RPL7: variants seen among roughly 807,000 people sequenced by gnomAD.
The protein encoded by RPL7 is ribosomal protein L7, also known as large ribosomal subunit protein uL30.
For synonymous variants in RPL7, 100 were observed against 102.2 expected (o/e 0.98, Z 0.13); for missense variants, 205 against 301.9 (o/e 0.68, Z 2.38).
In RPL7 at chr8:73,291,588, C is replaced by A; in HGVS notation, c.502G>T (p.Ala168Ser). The A allele has an allele frequency of 6.3e-7, 1 of 1,597,056 alleles. No homozygotes were observed. Among genetic ancestry groups the A allele is most frequent in the East Asian group, 2.3e-5 (1 of 44,354 alleles). The change falls in exon 5 of 7, where the codon GCT (alanine) becomes TCT (serine). Residue 168 changes from alanine to serine, a missense_variant. Physicochemically the swap from Ala to Ser is moderately conservative, Grantham distance 99. Transcript: ENST00000352983. Reference protein sequence around the residue: ...GYGKINKKRIALTDNALIARS... With the variant: ...GYGKINKKRISLTDNALIARS... ...GCAATCAAAGCGTTATCTGTCAAAG[C>A]AATTCGCTTCTTATTGATTTTGCCA... is the stretch of plus-strand genomic sequence containing the variant.
intron 1 of RPL7, chr8:73,293,359 G>T (rs1586182940): frequency 5.9e-6 from 3 of 510,102 alleles, no homozygotes; most frequent in African/African-American, 3.9e-5. Flanking sequence ...TCAGCCAACC[G>T]ACGGGTTCCA....
chr8:73,291,331 G>C (rs910146126), intron 5 of RPL7, 79 bp from the exon 6 acceptor site: 2 of 1,174,284 alleles, frequency 1.7e-6, no homozygotes, highest in African/African-American at 1.6e-5. Context: ...TTTTGAATAG[G>C]CTGTGAGATG....
upstream of RPL7, chr8:73,293,757 C>T (rs927206530): frequency 1.8e-5 from 17 of 935,766 alleles, no homozygotes; most frequent in Middle Eastern, 4.7e-4. Context: ...ACGCAAAGAA[C>T]TCCCTGATTT....
Position 73,292,323 on chromosome 8 carries a change from A to G in RPL7, c.206T>C (p.Ile69Thr). ...TTTTCTTGCCATCCTCGCCATTCGAATTTCAGTTCTGTACATCTGCCTATA... is the reference window on the plus strand; with the variant it reads ...TTTTCTTGCCATCCTCGCCATTCGAGTTTCAGTTCTGTACATCTGCCTATA... Reference protein sequence around the residue: ...KEYRQMYRTEIRMARMARKAG... With the variant: ...KEYRQMYRTETRMARMARKAG... The change falls in exon 3 of 7, where the codon ATT becomes ACT. Residue 69 changes from isoleucine (I) to threonine (T), a missense_variant. Coordinates refer to ENST00000352983, the MANE Select transcript of RPL7 (RefSeq NM_000971.4). 1 of 1,609,114 alleles carries G rather than the reference A, an allele frequency of 6.2e-7. No homozygotes were observed.
At position 73,291,035 on chromosome 8, in the gene RPL7, T is replaced by A; in HGVS notation, c.*1+8A>T. The A allele has an allele frequency of 6.2e-7, 1 of 1,602,688 alleles. No individual in the cohort carries two copies. Among genetic ancestry groups the A allele is most frequent in the Non-Finnish European group, 8.5e-7 (1 of 1,171,338 alleles). ...TAACTCAACCTTTCTCAGGATGAGG[T>A]CTCTCACCTTAGTTCATTCTTCTAA... is the stretch of plus-strand genomic sequence containing the variant. On this transcript the variant is annotated splice_region_variant and intron_variant, in intron 6 of 6. Coordinates refer to ENST00000352983, the MANE Select transcript of RPL7 (RefSeq NM_000971.4).
Position 73,290,618 on chromosome 8 carries a change from C to A in RPL7, c.*89G>T, listed in dbSNP as rs114052709. 2.4e-3 allele frequency: 376 copies of A among 158,166 alleles called. No homozygotes were observed. The highest frequency in any genetic ancestry group is 7.6e-3 in the African/African-American group (318 of 41,578). The allele number at this position is 158,166 out of a possible 1,614,324, so 9.8% of individuals were successfully genotyped here. A position where few individuals can be genotyped will look rare whatever the true frequency, so the allele number is the denominator to read the frequency against. ...AGAGGCAGGCTAACAACAACAACAA[C>A]AAATCACAAATACAACAATATATTT... On this transcript the variant is annotated 3_prime_UTR_variant, in exon 7 of 7. Coordinates refer to ENST00000352983, the MANE Select transcript of RPL7 (RefSeq NM_000971.4).
rs1192483037 is a variant in RPL7, at chr8:73,291,913, G to A, written c.291-3C>T. On this transcript the variant is annotated splice_region_variant and splice_polypyrimidine_tract_variant and intron_variant, in intron 3 of 6. Coordinates refer to ENST00000352983, the MANE Select transcript of RPL7 (RefSeq NM_000971.4). ...CCTTTGGGCTCACTCCATTGATACT[G>A]TGGTGAAAACGGACCAGAAATGCAT... is the stretch of plus-strand genomic sequence containing the variant. 6.2e-7 allele frequency: 1 copy of A among 1,610,624 alleles called. No homozygotes were observed. Among genetic ancestry groups the A allele is most frequent in the Non-Finnish European group, 8.5e-7 (1 of 1,177,100 alleles).
chr8:73,293,511 G>C (rs1022808779), intron 1 of RPL7, 88 bp downstream of exon 1: 1 of 1,525,154 alleles, frequency 6.6e-7, no homozygotes. Context: ...AAAGGTGCAA[G>C]CTACGGCCAG....
chr8:73,291,965 T>A, intron 3 of RPL7, 55 bp from the exon 4 acceptor site: 1 of 1,591,804 alleles, frequency 6.3e-7, no homozygotes, highest in South Asian at 1.1e-5. Flanking sequence ...TTTTTATTAA[T>A]ACTAACCATT....
Position 73,293,604 on chromosome 8 carries a change from A to T in RPL7, c.9T>A (p.Gly3=). The change falls in exon 1 of 7, where the codon GGT becomes GGA. Residue 3 remains glycine, a synonymous_variant. Coordinates refer to ENST00000352983, the MANE Select transcript of RPL7 (RefSeq NM_000971.4). ME[G]VEEKKKEVPA... ...GAGGACCAGAAGCAACTCACTCTAC[A>T]CCCTCCATGGTTCCAGCCGGAAAAA... The T allele has an allele frequency of 6.2e-7, 1 of 1,613,578 alleles. No individual in the cohort carries two copies. Among genetic ancestry groups the T allele is most frequent in the Non-Finnish European group, 8.5e-7 (1 of 1,179,854 alleles).
At chr8:73,291,941 G>A (rs1456009314) in intron 3 of RPL7, 31 bp from the exon 4 acceptor site, 4 of 1,600,732 alleles carry the variant, frequency 2.5e-6, no homozygotes, top group Non-Finnish European at 3.4e-6. Context: ...AAATGCATTT[G>A]CCTTTCATCG....
At chr8:73,293,674 G>C, upstream of RPL7, 2 of 1,603,136 alleles carry the variant, frequency 1.2e-6, no homozygotes, top group Non-Finnish European at 1.7e-6. Flanking sequence ...GACTTCGCGA[G>C]AGAAGCCCCA....
At chr8:73,293,064 C>T in intron 1 of RPL7, 1 of 343,604 alleles carries the variant, frequency 2.9e-6, no homozygotes, top group Admixed American at 4.6e-5. Context: ...CGGCCTCCGA[C>T]GACTAATTAA....
At chr8:73,292,475 G>A in intron 2 of RPL7, 70 bp from the exon 3 acceptor site, 2 of 1,390,468 alleles carry the variant, frequency 1.4e-6, no homozygotes, top group Non-Finnish European at 2.0e-6. Context: ...TCATTAAAAA[G>A]AAAACTACAA....
intron 1 of RPL7, chr8:73,293,319 C>G (rs948897470): frequency 4.3e-6 from 2 of 466,452 alleles, no homozygotes; most frequent in Non-Finnish European, 7.8e-6. Context: ...TGCGCCTCCC[C>G]CGAAAGACCC....
intron 1 of RPL7, 69 bp from the exon 2 acceptor site, chr8:73,292,866 G>A: frequency 4.4e-6 from 5 of 1,130,606 alleles, no homozygotes; most frequent in Non-Finnish European, 6.4e-6. Flanking sequence ...CTCCCGTACT[G>A]AGCAGTGTTG....
Position 73,290,713 on chromosome 8 carries a change from G to GA in RPL7, c.*2-9dup, listed in dbSNP as rs1397270732. The stretch of plus-strand genomic sequence containing the variant: ...AATAATCATGGTAGACACCTGAAAG[G>GA]AAAAAAGAAAACCATTAGAAAACAC... On this transcript the variant is annotated splice_polypyrimidine_tract_variant and intron_variant, in intron 6 of 6. Transcript: ENST00000352983. 9 of 221,800 alleles carry GA rather than the reference G, an allele frequency of 4.1e-5. No homozygotes were observed. Among genetic ancestry groups the GA allele is most frequent in the Non-Finnish European group, 7.1e-5 (8 of 112,358 alleles). The allele number at this position is 221,800 out of a possible 1,614,324, so 13.7% of individuals were successfully genotyped here. A position where few individuals can be genotyped will look rare whatever the true frequency, so the allele number is the denominator to read the frequency against.
chr8:73,293,433 C>T, intron 1 of RPL7, 166 bp downstream of exon 1: 1 of 803,360 alleles, frequency 1.2e-6, no homozygotes, highest in Non-Finnish European at 2.0e-6. Flanking sequence ...AGACCGCCCG[C>T]ATCCCAACCC....
upstream of RPL7, chr8:73,293,901 T>G (rs1450775835): frequency 5.0e-6 from 2 of 401,258 alleles, no homozygotes; most frequent in Non-Finnish European, 4.7e-6. Flanking sequence ...CAGGCTGCGC[T>G]GACAGGATTA....
Sources: allele counts gnomAD v4.1 joint callset, GRCh38; gene constraint gnomAD v4.1.1; transcripts MANE v1.5; gene names NCBI Gene and HGNC (gene_info 2026-07-23, HGNC 2026-07-21).